The following ANGPT1 variants were observed in gnomAD, a reference collection of about 807,000 sequenced individuals.
ANGPT1 encodes angiopoietin-1.
In ANGPT1, 17 loss-of-function variants were observed where a neutral mutation model predicts 62.2. The observed-to-expected ratio is 0.27, with a 90% CI of 0.19 to 0.41. The LOEUF is 0.41. Ranked by LOEUF, ANGPT1 falls within the 10% of genes least tolerant of loss-of-function variation. The pLI, the probability that ANGPT1 is intolerant of heterozygous loss-of-function variation, is 1.00. For synonymous variants in ANGPT1, 199 were observed against 198.9 expected (o/e 1.00, Z 0.00); for missense variants, 478 against 594.9 (o/e 0.80, Z 2.04).
intron 2 of ANGPT1, chr8:107,336,651 T>C (rs7000466): frequency 0.23 from 27,541 of 120,666 alleles, 3,134 homozygotes; most frequent in East Asian, 0.35. Flanking sequence ...GGCGACAGAG[T>C]AAGACTCTGT....
At chr8:107,423,769 T>C (rs964184070) in intron 1 of ANGPT1, among the ~76,000 whole-genome samples, 2 of 151,634 alleles carry the variant, frequency 1.3e-5, no homozygotes, top group African/African-American at 4.8e-5. Context: ...AGTTCTAATC[T>C]AGTTGTTAGT....
At chr8:107,291,891 TGGGGG>T (rs371184678) in intron 6 of ANGPT1, among the ~76,000 whole-genome samples, 4 of 87,114 alleles carry the variant, frequency 4.6e-5, no homozygotes, top group Non-Finnish European at 6.8e-5. Context: ...CCACTGAAGA[TGGGGG>T]GGGGGGGGGG....
At chr8:107,259,675 G>A (rs896069506) in intron 8 of ANGPT1, among the ~76,000 whole-genome samples, 1 of 151,994 alleles carries the variant, frequency 6.6e-6, no homozygotes, top group African/African-American at 2.4e-5. Context: ...TGTTTTTGTT[G>A]TTGGCAACCT....
At chr8:107,264,470 C>T (rs1033764598) in intron 7 of ANGPT1, 119 bp from the exon 8 acceptor site, 27 of 1,281,768 alleles carry the variant, frequency 2.1e-5, no homozygotes, top group Middle Eastern at 5.5e-4. Context: ...GAACTCAGCC[C>T]TTCCAACAAA....
At chr8:107,317,815 G>A (rs1474779949) in intron 4 of ANGPT1, among the ~76,000 whole-genome samples, 1 of 151,946 alleles carries the variant, frequency 6.6e-6, no homozygotes, top group African/African-American at 2.4e-5. Context: ...ATTTTTAGTA[G>A]AGATGGGGTT....
At chr8:107,262,767 T>A (rs1444267374) in intron 8 of ANGPT1, among the ~76,000 whole-genome samples, 1 of 152,192 alleles carries the variant, frequency 6.6e-6, no homozygotes, top group Non-Finnish European at 1.5e-5. Flanking sequence ...AACACTGAAA[T>A]AGGAATTTCT....
At chr8:107,474,639 A>T (rs1020560004) in intron 1 of ANGPT1, among the ~76,000 whole-genome samples, 1 of 152,194 alleles carries the variant, frequency 6.6e-6, no homozygotes, top group African/African-American at 2.4e-5. Context: ...AAGAGAAGTC[A>T]AATTGTCCGT....
chr8:107,384,466 T>C (rs1816696297), intron 1 of ANGPT1, among the ~76,000 whole-genome samples: 1 of 152,070 alleles, frequency 6.6e-6, no homozygotes, highest in South Asian at 2.1e-4. Flanking sequence ...AAAAATAGAC[T>C]TTGCTATATG....
At chr8:107,280,449 A>G (rs1813977734) in intron 7 of ANGPT1, among the ~76,000 whole-genome samples, 1 of 152,150 alleles carries the variant, frequency 6.6e-6, no homozygotes, top group African/African-American at 2.4e-5. Flanking sequence ...AGTGGAAGAA[A>G]GAAGCGCTTT....
intron 7 of ANGPT1, among the ~76,000 whole-genome samples, chr8:107,279,584 GTT>G (rs879341403): frequency 5.3e-5 from 8 of 152,150 alleles, no homozygotes; most frequent in Non-Finnish European, 5.9e-5. Context: ...CTATGCCTCA[GTT>G]TTCTCTTGTG....
chr8:107,398,832 G>A (rs1269091168), intron 1 of ANGPT1, among the ~76,000 whole-genome samples: 2 of 152,068 alleles, frequency 1.3e-5, no homozygotes, highest in African/African-American at 4.8e-5. Context: ...TCTAGGAATG[G>A]GAGCCTCAGA....
Position 107,265,124 on chromosome 8 carries a change from T to C in ANGPT1, c.1206-773A>G, listed in dbSNP as rs182375758. On this transcript the variant is annotated intron_variant, in intron 7 of 8. Transcript: ENST00000517746. ...GCATTCTTCGAAGAACCTCTCTTAC[T>C]ATCTAGAAACATTTCTTATATAAAA... Among the ~76,000 whole-genome samples the C allele has an allele frequency of 1.7e-3, 259 of 151,648 alleles. 2 individuals are homozygous for C. Among genetic ancestry groups the C allele is most frequent in the Non-Finnish European group, 1.2e-3 (81 of 68,024 alleles).
intron 1 of ANGPT1, among the ~76,000 whole-genome samples, chr8:107,466,917 T>A (rs1812216261): frequency 6.6e-6 from 1 of 151,732 alleles, no homozygotes; most frequent in Non-Finnish European, 1.5e-5. Context: ...AAAAAAAAAA[T>A]TATAATCGAG....
intron 6 of ANGPT1, 129 bp from the exon 7 acceptor site, chr8:107,284,977 C>T (rs773722987): frequency 2.0e-5 from 14 of 686,736 alleles, no homozygotes; most frequent in Non-Finnish European, 2.7e-5. Flanking sequence ...TTACATTTTA[C>T]ACTTTTTCTC....
chr8:107,456,243 G>A lies in ANGPT1; in HGVS notation c.297+41019C>T, dbSNP rs565141895. 2.6e-5 allele frequency among the ~76,000 whole-genome samples: 4 copies of A among 152,130 alleles called. No individual in the cohort carries two copies. In the South Asian group the frequency reaches 8.3e-4, roughly 32 times the overall value. On this transcript the variant is annotated intron_variant, in intron 1 of 8. Coordinates refer to ENST00000517746, the MANE Select transcript of ANGPT1 (RefSeq NM_001146.5). The stretch of plus-strand genomic sequence containing the variant: ...GTTGAAGTCACAAATAGTTTTCTGC[G>A]AACTTGGACATCTTGAGCAAAGCTG...
At chr8:107,443,619 A>C (rs1445847908) in intron 1 of ANGPT1, among the ~76,000 whole-genome samples, 2 of 150,464 alleles carry the variant, frequency 1.3e-5, no homozygotes, top group African/African-American at 2.4e-5. Flanking sequence ...GACCAGCCTG[A>C]CCAACATGGA....
At chr8:107,362,031 G>A (rs1048385862) in intron 1 of ANGPT1, among the ~76,000 whole-genome samples, 4 of 152,124 alleles carry the variant, frequency 2.6e-5, no homozygotes, top group African/African-American at 9.7e-5. Context: ...CTCTGGCCTG[G>A]ATGTCAAGAG....
At chr8:107,296,336 G>A (rs756183960) in intron 5 of ANGPT1, among the ~76,000 whole-genome samples, 1 of 151,970 alleles carries the variant, frequency 6.6e-6, no homozygotes, top group Admixed American at 6.6e-5. Flanking sequence ...GGTACTGAAT[G>A]AATATTTGAT....
chr8:107,358,125 T>C (rs1437082307), intron 1 of ANGPT1, among the ~76,000 whole-genome samples: 1 of 152,146 alleles, frequency 6.6e-6, no homozygotes, highest in Non-Finnish European at 1.5e-5. Context: ...TCCCACAATA[T>C]GAGATTACTC....
Sources: allele counts gnomAD v4.1 joint callset (sites outside exome capture counted in the v4.1 genomes callset), GRCh38; gene constraint gnomAD v4.1.1; transcripts MANE v1.5; gene names NCBI Gene and HGNC (gene_info 2026-07-23, HGNC 2026-07-21).